The following STS variants were observed in gnomAD, a reference collection of about 807,000 sequenced individuals.
STS encodes the protein steroid sulfatase.
A neutral mutation model predicts 26.8 loss-of-function variants in STS; 7 were observed. The observed-to-expected ratio is 0.26, with a 90% confidence interval of 0.15 to 0.49. The LOEUF (loss-of-function observed/expected upper bound fraction) is 0.49, where lower values mean the gene tolerates loss of function less well. STS is among the 20% of genes least tolerant of loss of function. The pLI is 0.98. For missense variants in STS, 434 were observed against 465.6 expected, an observed-to-expected ratio of 0.93 and a Z score of 0.63; for synonymous variants, 199 against 189.4, an observed-to-expected ratio of 1.05 and a Z score of -0.42.
intron 2 of STS, among the ~76,000 whole-genome samples, chrX:7,205,529 A>T (rs1202165930): frequency 2.7e-5 from 3 of 111,950 alleles, no homozygotes; most frequent in African/African-American, 9.7e-5. Flanking sequence ...GGCCAATGCA[A>T]CTGTGTCTGG....
chrX:7,185,460 T>C (rs1352597464), intron 1 of STS, among the ~76,000 whole-genome samples: 1 of 113,215 alleles, frequency 8.8e-6, no homozygotes, highest in Non-Finnish European at 1.9e-5. Flanking sequence ...CCCATGGCCA[T>C]ACTTAGCTGA....
chrX:7,184,181 C>T (rs1393386427), intron 1 of STS, among the ~76,000 whole-genome samples: 1 of 111,996 alleles, frequency 8.9e-6, no homozygotes, highest in Non-Finnish European at 1.9e-5. Context: ...GAAAATTCTG[C>T]AGTTGAAATT....
At chrX:7,325,281 G>C (rs767411781) in intron 8 of STS, 58 bp from the exon 9 acceptor site, 144 of 1,152,308 alleles carry the variant, frequency 1.2e-4, no homozygotes, top group Non-Finnish European at 1.6e-4. Context: ...CCATTGAAGT[G>C]AGCATTGAAA....
chrX:7,257,434 G>A (rs1213484864), intron 4 of STS, 32 bp from the exon 5 acceptor site: 2 of 1,212,088 alleles, frequency 1.7e-6, no homozygotes, highest in Non-Finnish European at 2.2e-6. Flanking sequence ...GGTATCTCCT[G>A]GTTCCTAAGG....
At chrX:7,276,177 A>T (rs996541071) in intron 7 of STS, 90 bp downstream of exon 7, 18 of 1,103,433 alleles carry the variant, frequency 1.6e-5, no homozygotes, top group Non-Finnish European at 2.2e-5. Flanking sequence ...TTTGTTCCTG[A>T]TGCCTTTAGA....
chrX:7,261,362 A>G (rs12850598), intron 6 of STS, among the ~76,000 whole-genome samples: 3 of 112,225 alleles, frequency 2.7e-5, no homozygotes, highest in Non-Finnish European at 3.8e-5. Context: ...ACAATGAATG[A>G]CAATGAAAAG....
At chrX:7,155,222 A>G (rs757501292) in intron 1 of STS, among the ~76,000 whole-genome samples, 1 of 111,771 alleles carries the variant, frequency 8.9e-6, no homozygotes, top group African/African-American at 3.3e-5. Flanking sequence ...ACCATCACAT[A>G]TGCTCTTTAA....
intron 9 of STS, among the ~76,000 whole-genome samples, chrX:7,331,236 C>A (rs1410769520): frequency 1.8e-5 from 2 of 111,168 alleles, no homozygotes; most frequent in Non-Finnish European, 3.8e-5. Flanking sequence ...CCAGAACATG[C>A]CCTTTTTAAT....
In STS at chrX:7,257,345, C is replaced by T. The variant is rs1259321805; in HGVS notation, c.241C>T (p.Arg81Trp). The change falls in exon 4 of 11, where the codon CGG becomes TGG. Residue 81 changes from arginine (R) to tryptophan (W), a missense_variant. By Grantham distance (101) the Arg-to-Trp change is moderately radical. Transcript: ENST00000674429. ...AAGCAGGGCAGCCTTCATGACTGGC[C>T]GGTACCCTGTCCGATCAGGTAACCT... ...TPSRAAFMTG[R>W]YPVRSGMASW... The T allele has an allele frequency of 8.3e-7, 1 of 1,211,707 alleles. No homozygotes were observed. The highest frequency in any genetic ancestry group is 1.1e-6 in the Non-Finnish European group (1 of 895,317).
rs189722845 is a variant in STS at position 7,183,725 on chromosome X, C to T, written c.-133-7155C>T. Among the ~76,000 whole-genome samples the T allele has an allele frequency of 8.4e-4, 94 of 112,051 alleles. 1 individual carries two copies. Among genetic ancestry groups the T allele is most frequent in the Admixed American group, 8.0e-3 (85 of 10,559 alleles). ...GCTCTTTCAAAATTGTAATACCGGC[C>T]GGGCATAGTGGCTCATGCCTAATCC... On this transcript the variant is annotated intron_variant, in intron 1 of 10. Transcript: ENST00000674429.
intron 2 of STS, among the ~76,000 whole-genome samples, chrX:7,203,746 T>G (rs1187622890): frequency 9.0e-6 from 1 of 110,714 alleles, no homozygotes; most frequent in Non-Finnish European, 1.9e-5. Context: ...TATACAAACA[T>G]ATGCATATGA....
chrX:7,277,167 T>G (rs1469216762), intron 7 of STS, among the ~76,000 whole-genome samples: 1 of 112,175 alleles, frequency 8.9e-6, no homozygotes, highest in East Asian at 2.8e-4. Context: ...ACTTTTACAT[T>G]GCTGGGCTCA....
chrX:7,160,320 A>AT (rs770676979), intron 1 of STS, among the ~76,000 whole-genome samples: 4 of 112,365 alleles, frequency 3.6e-5, no homozygotes, highest in South Asian at 7.4e-4. Context: ...AAGTTTATAC[A>AT]TTTTTTATCT....
rs1238618895 is a variant in STS, at chrX:7,299,157, T to C, written c.944-5889T>C. The stretch of plus-strand genomic sequence containing the variant: ...AATTATAATTTCTATATAAATTGTA[T>C]AATTAAAATTTATATATAAAGTATA... On this transcript the variant is annotated intron_variant, in intron 7 of 10. Transcript: ENST00000674429. 4.0e-3 allele frequency among the ~76,000 whole-genome samples: 382 copies of C among 95,701 alleles called. 6 individuals carry two copies. Among genetic ancestry groups the C allele is most frequent in the African/African-American group, 0.014 (370 of 25,956 alleles). The allele number at this position is 95,701 out of a possible 115,157, so 83.1% of individuals were successfully genotyped here.
chrX:7,278,694 A>C (rs1266418506), intron 7 of STS, among the ~76,000 whole-genome samples: 1 of 111,789 alleles, frequency 8.9e-6, no homozygotes, highest in African/African-American at 3.3e-5. Context: ...GTACAACCAC[A>C]CAAGGGCAGT....
At chrX:7,305,832 G>A (rs1168970015) in intron 8 of STS, among the ~76,000 whole-genome samples, 3 of 111,435 alleles carry the variant, frequency 2.7e-5, no homozygotes, top group South Asian at 3.8e-4. Context: ...GATTACGTTC[G>A]GCCCACTTGG....
chrX:7,274,714 G>T (rs1457056854), intron 6 of STS, among the ~76,000 whole-genome samples: 1 of 111,911 alleles, frequency 8.9e-6, no homozygotes, highest in Non-Finnish European at 1.9e-5. Flanking sequence ...AATGAAGGAG[G>T]TTTAGGTGCT....
intron 1 of STS, among the ~76,000 whole-genome samples, chrX:7,183,538 C>A (rs1179604703): frequency 8.9e-6 from 1 of 112,381 alleles, no homozygotes; most frequent in African/African-American, 3.2e-5. Context: ...AAGGTTTTTA[C>A]TGTTTCCTAA....
At chrX:7,293,516 T>C (rs1601719814) in intron 7 of STS, among the ~76,000 whole-genome samples, 2 of 112,037 alleles carry the variant, frequency 1.8e-5, no homozygotes, top group Admixed American at 9.5e-5. Context: ...GAATATAGCA[T>C]GCTTTCAATG....
Sources: allele counts gnomAD v4.1 joint callset (sites outside exome capture counted in the v4.1 genomes callset), GRCh38; gene constraint gnomAD v4.1.1; transcripts MANE v1.5; gene names NCBI Gene and HGNC (gene_info 2026-07-23, HGNC 2026-07-21).